Variants in LPP observed in about 807,000 individuals in gnomAD.
The protein encoded by LPP is lipoma-preferred partner.
LPP carries 38 observed loss-of-function variants against 60.4 expected under a neutral mutation model. The observed-to-expected ratio is 0.63, with a 90% CI of 0.49 to 0.83. The LOEUF (loss-of-function observed/expected upper bound fraction) is 0.83, where lower values mean the gene tolerates loss of function less well. LPP is among the 40% of genes least tolerant of loss of function. The probability of loss-of-function intolerance (pLI) is 0.00; values close to 1 mark genes in which losing one functional copy is unlikely to be tolerated. For synonymous variants in LPP, 328 were observed against 290.8 expected, an observed-to-expected ratio of 1.13 and a Z score of -1.30; for missense variants, 902 against 783.6, an observed-to-expected ratio of 1.15 and a Z score of -1.80.
At position 188,250,772 on chromosome 3, in the gene LPP, T is replaced by TCTG. The variant is rs1560158516; in HGVS notation, c.-67+25245_-67+25246insCTG. ...TTTCTTTCTTTCTTTCTTTCTTTCT[T>TCTG]TCTTTCTTTCTTTCTGTCTTTCTCT... On this transcript the variant is annotated intron_variant, in intron 2 of 11. Coordinates refer to ENST00000617246, the MANE Select transcript of LPP (RefSeq NM_001375462.1). 4.0e-4 allele frequency among the ~76,000 whole-genome samples: 44 copies of TCTG among 111,098 alleles called. 2 individuals are homozygous for TCTG. Among genetic ancestry groups the TCTG allele is most frequent in the African/African-American group, 1.8e-3 (40 of 22,326 alleles). 72.9% of individuals were successfully genotyped at this position (111,098 alleles called of 152,430 possible).
intron 2 of LPP, among the ~76,000 whole-genome samples, chr3:188,279,016 A>T (rs976780675): frequency 3.3e-5 from 5 of 152,174 alleles, no homozygotes; most frequent in African/African-American, 1.2e-4. Flanking sequence ...CAGGCTTCTG[A>T]GAATGTAAAT....
At chr3:188,190,412 C>T (rs1560096932) in intron 1 of LPP, among the ~76,000 whole-genome samples, 2 of 152,040 alleles carry the variant, frequency 1.3e-5, no homozygotes, top group Admixed American at 6.6e-5. Context: ...GTTTAGGTAC[C>T]TGTCCAGCTA....
At chr3:188,426,258 G>A (rs1006418412) in intron 4 of LPP, among the ~76,000 whole-genome samples, 6 of 152,078 alleles carry the variant, frequency 3.9e-5, no homozygotes, top group African/African-American at 9.7e-5. Flanking sequence ...GCAGTTGTTC[G>A]GTTTTGAGTG....
intron 2 of LPP, among the ~76,000 whole-genome samples, chr3:188,272,758 A>G (rs1352087593): frequency 2.0e-5 from 3 of 152,238 alleles, no homozygotes; most frequent in African/African-American, 7.2e-5. Context: ...TTTAATGGTT[A>G]CAAATGCCTG....
At chr3:188,298,499 T>C (rs1748671173) in intron 2 of LPP, among the ~76,000 whole-genome samples, 1 of 152,184 alleles carries the variant, frequency 6.6e-6, no homozygotes, top group Admixed American at 6.5e-5. Flanking sequence ...AGGGAGGTTT[T>C]ACCAGAATTC....
At chr3:188,259,609 A>G (rs1025267868) in intron 2 of LPP, among the ~76,000 whole-genome samples, 2 of 152,232 alleles carry the variant, frequency 1.3e-5, no homozygotes, top group Non-Finnish European at 2.9e-5. Context: ...AAGCTTCTGC[A>G]GGGTGGGGCA....
chr3:188,601,590 T>C (rs1841179662), intron 6 of LPP, among the ~76,000 whole-genome samples: 1 of 152,176 alleles, frequency 6.6e-6, no homozygotes, highest in East Asian at 1.9e-4. Flanking sequence ...AGCAACAGTA[T>C]CTAAAAGTAG....
chr3:188,776,481 G>A (rs1191898392), intron 9 of LPP, among the ~76,000 whole-genome samples: 2 of 135,408 alleles, frequency 1.5e-5, no homozygotes, highest in Non-Finnish European at 3.4e-5. Context: ...GGGGCTGGGA[G>A]AGGTAAAAAA....
chr3:188,381,445 A>G (rs1776857754), intron 3 of LPP, among the ~76,000 whole-genome samples: 1 of 152,222 alleles, frequency 6.6e-6, no homozygotes, highest in East Asian at 1.9e-4. Context: ...TTTTCATGTT[A>G]CTAAAATGGA....
chr3:188,699,408 C>G (rs920566803), intron 7 of LPP, among the ~76,000 whole-genome samples: 4 of 151,140 alleles, frequency 2.6e-5, no homozygotes, highest in African/African-American at 9.7e-5. Flanking sequence ...AATTCAGAAT[C>G]ATCCATCCTT....
At chr3:188,319,595 G>A (rs76652937) in intron 2 of LPP, among the ~76,000 whole-genome samples, 1 of 152,066 alleles carries the variant, frequency 6.6e-6, no homozygotes, top group Non-Finnish European at 1.5e-5. Flanking sequence ...TTTTTCTGAT[G>A]GGGTTTTGAT....
At chr3:188,757,109 G>A (rs986335179) in intron 8 of LPP, among the ~76,000 whole-genome samples, 2 of 152,138 alleles carry the variant, frequency 1.3e-5, no homozygotes, top group African/African-American at 4.8e-5. Context: ...CCTTTCCTGA[G>A]CCCCTGTGAG....
chr3:188,589,529 G>T (rs1472373961), intron 6 of LPP, among the ~76,000 whole-genome samples: 4 of 152,086 alleles, frequency 2.6e-5, no homozygotes, highest in Admixed American at 2.0e-4. Flanking sequence ...TGCTCATGTG[G>T]GTTAAAGCCC....
At chr3:188,677,787 G>T (rs1183151720) in intron 7 of LPP, among the ~76,000 whole-genome samples, 2 of 151,950 alleles carry the variant, frequency 1.3e-5, no homozygotes, top group African/African-American at 4.8e-5. Flanking sequence ...CAGGAGCCCG[G>T]ACTGTCCATT....
intron 2 of LPP, among the ~76,000 whole-genome samples, chr3:188,260,418 G>T (rs2149677894): frequency 6.6e-6 from 1 of 152,110 alleles, no homozygotes; most frequent in Non-Finnish European, 1.5e-5. Context: ...CTTGGAGCTT[G>T]GAGAAAGGAA....
chr3:188,521,060 A>G (rs1579589938), intron 5 of LPP, among the ~76,000 whole-genome samples: 2 of 152,182 alleles, frequency 1.3e-5, no homozygotes, highest in East Asian at 1.9e-4. Context: ...TGGGCAGGAC[A>G]ACAGTTATTT....
chr3:188,624,646 G>A (rs545909737), intron 7 of LPP, among the ~76,000 whole-genome samples: 1 of 151,996 alleles, frequency 6.6e-6, no homozygotes, highest in African/African-American at 2.4e-5. Flanking sequence ...CTATTAATAG[G>A]GAGTCAAGTA....
intron 10 of LPP, among the ~76,000 whole-genome samples, chr3:188,870,166 G>C (rs1044790372): frequency 6.6e-6 from 1 of 151,174 alleles, no homozygotes; most frequent in Admixed American, 6.6e-5. Context: ...ACATATGTGT[G>C]TTTGTGTATA....
chr3:188,516,013 C>T (rs1817259794), intron 5 of LPP, among the ~76,000 whole-genome samples: 1 of 152,126 alleles, frequency 6.6e-6, no homozygotes, highest in South Asian at 2.1e-4. Context: ...TTTTCTAGAG[C>T]AGCATGGGAG....
Sources: gnomAD v4.1 joint callset for allele counts (sites outside exome capture counted in the v4.1 genomes callset) on GRCh38, gnomAD v4.1.1 for gene constraint, MANE v1.5 for transcripts, NCBI Gene and HGNC (gene_info 2026-07-23, HGNC 2026-07-21) for gene names.